TRPS1: variants seen among roughly 807,000 people sequenced by gnomAD.
TRPS1 encodes zinc finger transcription factor Trps1.
A neutral mutation model predicts 101.2 loss-of-function variants in TRPS1; 6 were observed. The ratio of observed to expected loss-of-function variants is 0.06; its 90% CI spans 0.03 to 0.12. The LOEUF (loss-of-function observed/expected upper bound fraction) is 0.12, where lower values mean the gene tolerates loss of function less well. TRPS1 is among the 10% of genes least tolerant of loss of function. The pLI, the probability that TRPS1 is intolerant of heterozygous loss-of-function variation, is 1.00. For synonymous variants in TRPS1, 578 were observed against 589.8 expected, an observed-to-expected ratio of 0.98 and a Z score of 0.29; for missense variants, 1,363 against 1,567.0, an observed-to-expected ratio of 0.87 and a Z score of 2.20.
At chr8:115,662,160 A>G (rs1811814851) in intron 1 of TRPS1, among the ~76,000 whole-genome samples, 1 of 152,032 alleles carries the variant, frequency 6.6e-6, no homozygotes, top group Non-Finnish European at 1.5e-5. Context: ...CTCGCAAGAA[A>G]AACTGAGAAA....
chr8:115,454,704 T>A (rs138586852), intron 5 of TRPS1, among the ~76,000 whole-genome samples: 1 of 152,188 alleles, frequency 6.6e-6, no homozygotes, highest in Non-Finnish European at 1.5e-5. Flanking sequence ...TTTTGAAATA[T>A]AGAGCTCTTT....
chr8:115,568,932 AT>A (rs1244112831), intron 5 of TRPS1, among the ~76,000 whole-genome samples: 1 of 152,104 alleles, frequency 6.6e-6, no homozygotes, highest in Non-Finnish European at 1.5e-5. Flanking sequence ...TTAAATCCAT[AT>A]GTCTTCCATA....
At chr8:115,572,852 G>A (rs1253602253) in intron 5 of TRPS1, among the ~76,000 whole-genome samples, 2 of 152,060 alleles carry the variant, frequency 1.3e-5, no homozygotes, top group Non-Finnish European at 2.9e-5. Flanking sequence ...ATAAATATAC[G>A]CCAGACTCCG....
At chr8:115,421,870 A>C (rs1813071507) in intron 5 of TRPS1, among the ~76,000 whole-genome samples, 1 of 152,202 alleles carries the variant, frequency 6.6e-6, no homozygotes, top group Non-Finnish European at 1.5e-5. Flanking sequence ...TGAAGTTATC[A>C]ACATCCTTAG....
chr8:115,500,428 T>C (rs1815287378), intron 5 of TRPS1, among the ~76,000 whole-genome samples: 3 of 152,194 alleles, frequency 2.0e-5, no homozygotes, highest in African/African-American at 7.2e-5. Flanking sequence ...TCCACCTCTA[T>C]TATTACAAAA....
At chr8:115,488,363 C>G (rs543347471) in intron 5 of TRPS1, among the ~76,000 whole-genome samples, 22 of 152,212 alleles carry the variant, frequency 1.4e-4, no homozygotes, top group African/African-American at 5.3e-4. Flanking sequence ...GAACCAAGCC[C>G]ACAGTTATCT....
In TRPS1 at chr8:115,414,790, C is replaced by G. The variant is rs1812873830; in HGVS notation, c.3118G>C (p.Asp1040His). 6.2e-7 allele frequency: 1 copy of G among 1,613,876 alleles called. No homozygotes were observed. The highest frequency in any genetic ancestry group is 1.3e-5 in the African/African-American group (1 of 74,882). ...AAAGGTTGCATCCTTTTGTGAATAT[C>G]CAGAGTTTGGCTGACCAGGACTGGC... is the stretch of plus-strand genomic sequence containing the variant. ...QQPVLVSQTL[D>H]IHKRMQPLHI... The change falls in exon 7 of 7, where the codon GAT (aspartate) becomes CAT (histidine). Residue 1040 changes from aspartate (D) to histidine (H), a missense_variant. Asp to His is a moderately conservative substitution (Grantham distance 81). Around this residue, in one of 5 missense-constraint regions of TRPS1, gnomAD observed 307 missense variants for 392.4 expected, o/e 0.78. Coordinates refer to ENST00000395715, the MANE Select transcript of TRPS1 (RefSeq NM_014112.5). The surrounding 1 kb of genome is among the most constrained non-coding windows in gnomAD (Gnocchi z 4.8).
rs767282448 is a variant in TRPS1, at chr8:115,603,934, G to C, written c.2035C>G (p.His679Asp). 4.3e-6 allele frequency: 7 copies of C among 1,613,964 alleles called. No individual in the cohort carries two copies. Among genetic ancestry groups the C allele is most frequent in the Non-Finnish European group, 5.1e-6 (6 of 1,179,944 alleles). The stretch of plus-strand genomic sequence containing the variant: ...ATAAAATCACATTTGGTACATGAGT[G>C]TTCTTTGCTTTCCTTGACAGACTGC... ...GQQSVKESKE[H>D]SCTKCDFITQ... Residue 679 changes from histidine to aspartate, a missense_variant, in exon 4 of 7, where the codon CAC becomes GAC. His to Asp is a moderately conservative substitution (Grantham distance 81, BLOSUM62 -1). Transcript: ENST00000395715.
At chr8:115,610,918 A>T (rs1432357354) in intron 3 of TRPS1, among the ~76,000 whole-genome samples, 1 of 152,114 alleles carries the variant, frequency 6.6e-6, no homozygotes. Context: ...GGAGTTCGAG[A>T]CCAGCCTGGC....
chr8:115,660,076 G>A (rs1811758792), intron 1 of TRPS1, among the ~76,000 whole-genome samples: 1 of 151,928 alleles, frequency 6.6e-6, no homozygotes, highest in South Asian at 2.1e-4. Flanking sequence ...GATTAGTAAT[G>A]CTTGATCCCT....
At chr8:115,594,787 C>T (rs1251122674) in intron 4 of TRPS1, among the ~76,000 whole-genome samples, 1 of 151,750 alleles carries the variant, frequency 6.6e-6, no homozygotes, top group Non-Finnish European at 1.5e-5. Context: ...TTGAGGAATG[C>T]TTCTAGAAAA....
intron 5 of TRPS1, among the ~76,000 whole-genome samples, chr8:115,579,046 A>T (rs1817384707): frequency 6.6e-6 from 1 of 152,018 alleles, no homozygotes; most frequent in Admixed American, 6.6e-5. Flanking sequence ...ATCTAGGCAA[A>T]ATACTTAATA....
At chr8:115,645,955 T>G (rs1819015217) in intron 1 of TRPS1, among the ~76,000 whole-genome samples, 1 of 152,166 alleles carries the variant, frequency 6.6e-6, no homozygotes, top group African/African-American at 2.4e-5. Context: ...AATGCCACTC[T>G]TTCTACAATA....
intron 5 of TRPS1, among the ~76,000 whole-genome samples, chr8:115,547,269 TTCTCTC>T (rs982054885): frequency 6.6e-6 from 1 of 151,998 alleles, no homozygotes; most frequent in African/African-American, 2.4e-5. Flanking sequence ...AATGACTCAA[TTCTCTC>T]TCTCTGTCTC....
At chr8:115,493,859 C>T (rs1474462127) in intron 5 of TRPS1, among the ~76,000 whole-genome samples, 2 of 152,026 alleles carry the variant, frequency 1.3e-5, no homozygotes, top group East Asian at 1.9e-4. Context: ...TAGATGCGTA[C>T]ATTAGTTTTC....
chr8:115,525,767 A>G (rs1815981157), intron 5 of TRPS1, among the ~76,000 whole-genome samples: 1 of 152,212 alleles, frequency 6.6e-6, no homozygotes, highest in Non-Finnish European at 1.5e-5. Flanking sequence ...TTGTGCTACC[A>G]TATTGGACAG....
Position 115,415,319 on chromosome 8 carries a change from T to A in TRPS1, c.2824-235A>T, listed in dbSNP as rs371619033. Among the ~76,000 whole-genome samples the A allele has an allele frequency of 2.6e-5, 4 of 152,288 alleles. No individual in the cohort carries two copies. The East Asian group carries it at 7.7e-4, about 29-fold the overall frequency. On this transcript the variant is annotated intron_variant, in intron 6 of 6. Coordinates refer to ENST00000395715, the MANE Select transcript of TRPS1 (RefSeq NM_014112.5). ...TCTTTGCAGGGGGGACTGAAAACTTTAATCTACTTGAAAATAACCTTTCCA... is the reference window on the plus strand; with the variant it reads ...TCTTTGCAGGGGGGACTGAAAACTTAAATCTACTTGAAAATAACCTTTCCA...
At chr8:115,554,199 C>T (rs1310931031) in intron 5 of TRPS1, among the ~76,000 whole-genome samples, 1 of 152,136 alleles carries the variant, frequency 6.6e-6, no homozygotes, top group African/African-American at 2.4e-5. Flanking sequence ...AGAAGAAAAT[C>T]TGTGAAACTG....
At chr8:115,639,306 C>G (rs1339729232) in intron 1 of TRPS1, among the ~76,000 whole-genome samples, 1 of 152,114 alleles carries the variant, frequency 6.6e-6, no homozygotes, top group African/African-American at 2.4e-5. Flanking sequence ...AAGGCTCAAG[C>G]CATCCTGCCA....
Sources: gnomAD v4.1 joint callset for allele counts (sites outside exome capture counted in the v4.1 genomes callset) on GRCh38, gnomAD v4.1.1 for gene constraint, gnomAD v4.1.1 regional missense constraint, Gnocchi (gnomAD v3.1) non-coding constraint, MANE v1.5 for transcripts, NCBI Gene and HGNC (gene_info 2026-07-23, HGNC 2026-07-21) for gene names.